The following USP31 variants were observed in gnomAD, a reference collection of about 807,000 sequenced individuals.
The protein encoded by USP31 is ubiquitin specific peptidase 31, also known as ubiquitin carboxyl-terminal hydrolase 31.
Under a neutral mutation model 119.4 loss-of-function variants are expected in USP31, and 44 were observed. The observed-to-expected ratio is 0.37, with a 90% CI of 0.29 to 0.47. USP31 has a LOEUF of 0.47. USP31 is among the 20% of genes least tolerant of loss of function. USP31 has a pLI of 0.99. For synonymous variants in USP31, 749 were observed against 705.6 expected (o/e 1.06, Z -0.97); for missense variants, 1,643 against 1,730.2 (o/e 0.95, Z 0.89).
chr16:23,084,878 C>T lies in USP31; in HGVS notation c.1812G>A (p.Leu604=), dbSNP rs116637937. The T allele has an allele frequency of 1.2e-6, 2 of 1,613,996 alleles. No homozygotes were observed. Among genetic ancestry groups the T allele is most frequent in the African/African-American group, 2.7e-5 (2 of 75,018 alleles). ...CTCTTACCCGCTCCTCTTTGGTGTACAGTTGGAAACACTGGGATAAAGTGC... is the reference window on the plus strand; with the variant it reads ...CTCTTACCCGCTCCTCTTTGGTGTATAGTTGGAAACACTGGGATAAAGTGC... ...QTCTLSQCFQ[L]YTKEERLAPD... The change falls in exon 11 of 16, where the codon CTG becomes CTA. Residue 604 remains leucine, a synonymous_variant. Coordinates refer to ENST00000219689, the MANE Select transcript of USP31 (RefSeq NM_020718.4).
chr16:23,125,158 T>A (rs1170523473), intron 1 of USP31, among the ~76,000 whole-genome samples: 1 of 152,096 alleles, frequency 6.6e-6, no homozygotes, highest in Non-Finnish European at 1.5e-5. Flanking sequence ...ACCACTCAGG[T>A]GTAAAGGAGT....
chr16:23,092,252 C>G (rs1434925483), intron 6 of USP31, among the ~76,000 whole-genome samples: 1 of 152,180 alleles, frequency 6.6e-6, no homozygotes, highest in African/African-American at 2.4e-5. Flanking sequence ...ATACAATAAC[C>G]TTTGGATTCA....
At position 23,102,383 on chromosome 16, in the gene USP31, G is replaced by C. The variant is rs758172991; in HGVS notation, c.1170C>G (p.Ser390Arg). ...DTDDLETVHE[S>R]DCIFAFETPE... ...GAGTCTCAAAGGCAAAAATGCAGTC[G>C]CTTTCATGGACTGTTTCCAGGTCGT... is the stretch of plus-strand genomic sequence containing the variant. Residue 390 changes from serine to arginine, a missense_variant, in exon 6 of 16, where the codon AGC becomes AGG. Physicochemically the swap from Ser to Arg is moderately radical, Grantham distance 110 (BLOSUM62 -1). Around this residue, in one of 5 missense-constraint regions of USP31, gnomAD observed 219 missense variants for 226.4 expected, o/e 0.97. Coordinates refer to ENST00000219689, the MANE Select transcript of USP31 (RefSeq NM_020718.4). The C allele has an allele frequency of 1.2e-6, 2 of 1,613,822 alleles. No homozygotes were observed. Among genetic ancestry groups the C allele is most frequent in the Middle Eastern group, 1.7e-4 (1 of 6,058 alleles).
intron 6 of USP31, among the ~76,000 whole-genome samples, chr16:23,102,027 T>A (rs1373973174): frequency 1.8e-4 from 25 of 141,926 alleles, no homozygotes; most frequent in Admixed American, 1.7e-3. Context: ...CTGAATGTCA[T>A]GATAAGATGC....
chr16:23,132,587 T>C (rs1274591333), intron 1 of USP31, among the ~76,000 whole-genome samples: 2 of 152,224 alleles, frequency 1.3e-5, no homozygotes, highest in East Asian at 1.9e-4. Flanking sequence ...AGCATCTATA[T>C]GATTACAGCT....
At chr16:23,130,029 C>T (rs1158121891) in intron 1 of USP31, among the ~76,000 whole-genome samples, 1 of 152,160 alleles carries the variant, frequency 6.6e-6, no homozygotes, top group Non-Finnish European at 1.5e-5. Context: ...TCACCTATTC[C>T]TGATTATCAG....
At chr16:23,093,537 T>C (rs1304045957) in intron 6 of USP31, among the ~76,000 whole-genome samples, 1 of 152,198 alleles carries the variant, frequency 6.6e-6, no homozygotes, top group Non-Finnish European at 1.5e-5. Flanking sequence ...AAATAAATGT[T>C]GGCAAAGATG....
In USP31 at chr16:23,073,708, A is replaced by G. The variant is rs765914939; in HGVS notation, c.2335+14T>C. ...CTCTGGAAAAAACTGCCCAAGAACA[A>G]GAGTGGACCTCACCTGCCACCGAGC... On this transcript the variant is annotated intron_variant, in intron 14 of 15. Coordinates refer to ENST00000219689, the MANE Select transcript of USP31 (RefSeq NM_020718.4). The G allele has an allele frequency of 7.5e-6, 12 of 1,598,662 alleles. No homozygotes were observed. Among genetic ancestry groups the G allele is most frequent in the Non-Finnish European group, 1.0e-5 (12 of 1,168,778 alleles).
intron 5 of USP31, among the ~76,000 whole-genome samples, chr16:23,104,398 C>T (rs1272542352): frequency 1.3e-5 from 2 of 152,238 alleles, no homozygotes; most frequent in Non-Finnish European, 2.9e-5. Flanking sequence ...AGGAGCCAGA[C>T]AGTGCTGGAA....
At chr16:23,084,692 T>C (rs1324544823) in intron 11 of USP31, among the ~76,000 whole-genome samples, 168 bp downstream of exon 11, 1 of 152,186 alleles carries the variant, frequency 6.6e-6, no homozygotes, top group South Asian at 2.1e-4. Context: ...AACTTCTTGT[T>C]AAAGTCCTAA....
intron 1 of USP31, among the ~76,000 whole-genome samples, chr16:23,140,874 G>C (rs1016245246): frequency 6.6e-6 from 1 of 152,104 alleles, no homozygotes; most frequent in African/African-American, 2.4e-5. Context: ...CCAGTGTCTT[G>C]CCACAAATCA....
At chr16:23,072,349 G>A (rs746660561) in intron 14 of USP31, 152 bp from the exon 15 acceptor site, 18 of 1,026,258 alleles carry the variant, frequency 1.8e-5, no homozygotes, top group Middle Eastern at 2.5e-4. Context: ...CCTGTGTCAT[G>A]TCGTGCCTGT....
intron 6 of USP31, among the ~76,000 whole-genome samples, chr16:23,100,066 AAC>A (rs1461498997): frequency 1.3e-4 from 20 of 152,346 alleles, no homozygotes; most frequent in African/African-American, 4.6e-4. Context: ...GGAACCCTCA[AAC>A]ACTGCTGATA....
rs202171207 is a variant in USP31, at chr16:23,072,208, G to C, written c.2336-11C>G. 146 of 1,602,660 alleles carry C rather than the reference G, an allele frequency of 9.1e-5. No homozygotes were observed. Among genetic ancestry groups the C allele is most frequent in the Middle Eastern group, 1.7e-4 (1 of 6,058 alleles). ...AAGAACTTGTGGAGCCTGCAGAGAAGAAAACAGGCATAGAGGTCAGGCTGG... is the reference window on the plus strand; with the variant it reads ...AAGAACTTGTGGAGCCTGCAGAGAACAAAACAGGCATAGAGGTCAGGCTGG... On this transcript the variant is annotated splice_polypyrimidine_tract_variant and intron_variant, in intron 14 of 15. Transcript: ENST00000219689.
chr16:23,133,125 T>G (rs920487292), intron 1 of USP31, among the ~76,000 whole-genome samples: 23 of 152,308 alleles, frequency 1.5e-4, no homozygotes, highest in African/African-American at 5.5e-4. Flanking sequence ...GTGAGGCAAC[T>G]CATCCTATTT....
chr16:23,137,096 G>C (rs1028163441), intron 1 of USP31, among the ~76,000 whole-genome samples: 4 of 152,038 alleles, frequency 2.6e-5, no homozygotes, highest in African/African-American at 9.7e-5. Context: ...CCTGTAGTCT[G>C]AGCTACTCAG....
At chr16:23,080,512 T>C (rs919565445) in intron 12 of USP31, among the ~76,000 whole-genome samples, 2 of 151,968 alleles carry the variant, frequency 1.3e-5, no homozygotes, top group African/African-American at 2.4e-5. Flanking sequence ...CAAAGAGACA[T>C]GAAAACTAAT....
At chr16:23,070,206 T>C (rs779127291) in intron 15 of USP31, among the ~76,000 whole-genome samples, 1 of 152,158 alleles carries the variant, frequency 6.6e-6, no homozygotes. Context: ...GAAGGTGATC[T>C]GGGGCTCACA....
chr16:23,069,248 A>C lies in USP31; in HGVS notation c.2857T>G (p.Ser953Ala), dbSNP rs1900241252. Residue 953 changes from serine to alanine, a missense_variant, in exon 16 of 16, where the codon TCG becomes GCG. Coordinates refer to ENST00000219689, the MANE Select transcript of USP31 (RefSeq NM_020718.4). ...CTGGAGTTCAATCTGCGGGTGTCCG[A>C]TTCGTCTTTGAACACGCCTTCCATG... ...AVMEGVFKDE[S>A]DTRRLNSSVV... 6.2e-7 allele frequency: 1 copy of C among 1,614,088 alleles called. No individual in the cohort carries two copies. Among genetic ancestry groups the C allele is most frequent in the African/African-American group, 1.3e-5 (1 of 75,042 alleles).
Sources: allele counts gnomAD v4.1 joint callset (sites outside exome capture counted in the v4.1 genomes callset), GRCh38; gene constraint gnomAD v4.1.1; regional missense constraint gnomAD v4.1.1; transcripts MANE v1.5; gene names NCBI Gene and HGNC (gene_info 2026-07-23, HGNC 2026-07-21).